The following TSPOAP1 variants were observed in gnomAD, a reference collection of about 807,000 sequenced individuals.
TSPOAP1 encodes peripheral-type benzodiazepine receptor-associated protein 1.
TSPOAP1 carries 87 observed loss-of-function variants against 197.0 expected under a neutral mutation model. That is an observed-to-expected ratio of 0.44 (90% CI 0.37 to 0.53). The LOEUF is 0.53. Ranked by LOEUF, TSPOAP1 falls within the 20% of genes least tolerant of loss-of-function variation. The pLI, the probability that TSPOAP1 is intolerant of heterozygous loss-of-function variation, is 0.00. For missense variants in TSPOAP1, 2,174 were observed against 2,411.3 expected, an observed-to-expected ratio of 0.90 and a Z score of 2.06; for synonymous variants, 913 against 998.9, an observed-to-expected ratio of 0.91 and a Z score of 1.62.
rs940264893 is a variant in TSPOAP1, at chr17:58,319,366, C to T, written c.1495-72G>A. 2.1e-6 allele frequency: 3 copies of T among 1,448,162 alleles called. No individual in the cohort carries two copies. In the Admixed American group the frequency reaches 6.8e-5, roughly 33 times the overall value. The allele number at this position is 1,448,162 out of a possible 1,614,324, so 89.7% of individuals were successfully genotyped here. ...AGTGCCAGCCCGTGCCATCTGTACACAGCCCTACACTGGGTTTCAGGTCAT... is the reference window on the plus strand; with the variant it reads ...AGTGCCAGCCCGTGCCATCTGTACATAGCCCTACACTGGGTTTCAGGTCAT... On this transcript the variant is annotated intron_variant, in intron 12 of 31. Transcript: ENST00000343736.
Position 58,307,861 on chromosome 17 carries a change from C to G in TSPOAP1, c.4812G>C (p.Arg1604Ser). The G allele has an allele frequency of 1.2e-6, 2 of 1,613,784 alleles. No individual in the cohort carries two copies. Among genetic ancestry groups the G allele is most frequent in the South Asian group, 2.2e-5 (2 of 91,080 alleles). ...GCTCACCTAGCTCTGCAGTGCTTGG[C>G]CTGAGGACTCGGACACCTCTCTTCT... ...GPQKRGVRVLRPSTAELVPAR... is the reference protein window; with the variant it reads ...GPQKRGVRVLSPSTAELVPAR... Residue 1604 changes from arginine to serine, a missense_variant, in exon 23 of 32, where the codon AGG becomes AGC. Transcript: ENST00000343736.
In TSPOAP1 at chr17:58,326,583, T is replaced by C. The variant is rs936383867; in HGVS notation, c.441+100A>G. 1 of 1,533,890 alleles carries C rather than the reference T, an allele frequency of 6.5e-7. No individual in the cohort carries two copies. Among genetic ancestry groups the C allele is most frequent in the African/African-American group, 1.4e-5 (1 of 73,092 alleles). On this transcript the variant is annotated intron_variant, in intron 2 of 31. Transcript: ENST00000343736. The surrounding 1 kb of genome is among the most constrained non-coding windows in gnomAD (Gnocchi z 4.7). ...GGGTCTCAGGATTTTGTCACCTCCA[T>C]TGAGCCCCCACTTGGAAAGATGTTC...
intron 10 of TSPOAP1, among the ~76,000 whole-genome samples, chr17:58,321,763 T>C (rs1196635813): frequency 6.6e-6 from 1 of 152,214 alleles, no homozygotes; most frequent in Non-Finnish European, 1.5e-5. Context: ...ATACCAGCCA[T>C]GTGATCCTGT....
At chr17:58,311,360 C>A in intron 18 of TSPOAP1, 147 bp from the exon 19 acceptor site, 1 of 1,290,728 alleles carries the variant, frequency 7.7e-7, no homozygotes, top group Admixed American at 2.7e-5. Context: ...TGGCCTATCT[C>A]ATTTCATCCT....
chr17:58,324,758 TCCCCCCACCC>T lies in TSPOAP1; in HGVS notation c.942+43_942+52del. The T allele has an allele frequency of 1.6e-6, 2 of 1,269,496 alleles. No individual in the cohort carries two copies. Among genetic ancestry groups the T allele is most frequent in the Non-Finnish European group, 1.0e-6 (1 of 990,738 alleles). 78.6% of individuals were successfully genotyped at this position (1,269,496 alleles called of 1,614,324 possible). A position where few individuals can be genotyped will look rare whatever the true frequency, so the allele number is the denominator to read the frequency against. On this transcript the variant is annotated intron_variant, in intron 5 of 31. Transcript: ENST00000343736. This position sits in a 1 kb window ranked among gnomAD's most constrained non-coding sequence, Gnocchi z 5.8. ...GTGCAGGGGAGATCCCGGTGGTCGTTCCCCCCACCCATCTGCACGCACCCACACACCTGCC... is the reference window on the plus strand; with the variant it reads ...GTGCAGGGGAGATCCCGGTGGTCGTTATCTGCACGCACCCACACACCTGCC...
In TSPOAP1 at chr17:58,322,540, G is replaced by A; in HGVS notation, c.1317+114C>T. 4 of 1,549,136 alleles carry A rather than the reference G, an allele frequency of 2.6e-6. No individual in the cohort carries two copies. The highest frequency in any genetic ancestry group is 3.5e-6 in the Non-Finnish European group (4 of 1,148,170). ...TATTACAAAGGAAACTGAGCCTGGA[G>A]CAGCTCCAGGCCCAGGCCTCAGAGC... On this transcript the variant is annotated intron_variant, in intron 9 of 31. Transcript: ENST00000343736. This position sits in a 1 kb window ranked among gnomAD's most constrained non-coding sequence, Gnocchi z 5.0.
chr17:58,326,790 C>T lies in TSPOAP1; in HGVS notation c.334G>A (p.Ala112Thr), dbSNP rs765095323. Reference sequence around the variant, plus strand: ...TCCCCAAAGCTCATATTCAGCTTGGCCTGGCATGGGAAAGGACCGAGGACA... The same window carrying T: ...TCCCCAAAGCTCATATTCAGCTTGGTCTGGCATGGGAAAGGACCGAGGACA... ...EDEEVEAFLK[A>T]KLNMSFGDRP... Residue 112 changes from alanine to threonine, a missense_variant and splice_region_variant, in exon 2 of 32, where the codon GCC becomes ACC. Coordinates refer to ENST00000343736, the MANE Select transcript of TSPOAP1 (RefSeq NM_004758.4). This position sits in a 1 kb window ranked among gnomAD's most constrained non-coding sequence, Gnocchi z 4.7. 1.9e-6 allele frequency: 3 copies of T among 1,613,774 alleles called. No individual in the cohort carries two copies. Among genetic ancestry groups the T allele is most frequent in the Non-Finnish European group, 2.5e-6 (3 of 1,179,918 alleles).
At chr17:58,317,232 A>G (rs1162999757) in intron 14 of TSPOAP1, among the ~76,000 whole-genome samples, 1 of 152,174 alleles carries the variant, frequency 6.6e-6, no homozygotes, top group African/African-American at 2.4e-5. Context: ...CAAAGAAAAA[A>G]GAAACCCCTC....
At position 58,306,414 on chromosome 17, in the gene TSPOAP1, C is replaced by G. The variant is rs141114805; in HGVS notation, c.5153-1G>C. On this transcript the variant is annotated splice_acceptor_variant, in intron 25 of 31. Transcript: ENST00000343736. LOFTEE classifies it high-confidence loss of function. ...GTGGAGTACACAAACGGACCATTCC[C>G]TGATCCAGAAAAGCAGAGAGAAAGC... The G allele has an allele frequency of 1.8e-5, 28 of 1,554,822 alleles. No homozygotes were observed. The highest frequency in any genetic ancestry group is 2.4e-5 in the Non-Finnish European group (27 of 1,148,516).
rs749493801 is a variant in TSPOAP1 at position 58,311,733 on chromosome 17, G to A, written c.2930-11C>T. 5 of 1,554,010 alleles carry A rather than the reference G, an allele frequency of 3.2e-6. No individual in the cohort carries two copies. The South Asian group carries it at 6.0e-5, about 19-fold the overall frequency. ...GGGCATCAGGTGGGCCTGGGGGCAG[G>A]GGGGCACAAGACCCAGTGATGCAGG... On this transcript the variant is annotated splice_polypyrimidine_tract_variant and intron_variant, in intron 17 of 31. Coordinates refer to ENST00000343736, the MANE Select transcript of TSPOAP1 (RefSeq NM_004758.4).
At chr17:58,325,814 G>C (rs1036515968) in intron 3 of TSPOAP1, 101 bp from the exon 4 acceptor site, 65 of 1,330,116 alleles carry the variant, frequency 4.9e-5, no homozygotes, top group Admixed American at 1.9e-4. Context: ...AAAACCTAGG[G>C]GGGTAGCCAC....
Position 58,308,697 on chromosome 17 carries a change from C to G in TSPOAP1, c.4575G>C (p.Gly1525=), listed in dbSNP as rs777794796. 2.5e-6 allele frequency: 4 copies of G among 1,612,960 alleles called. No homozygotes were observed. The South Asian group carries it at 3.3e-5, about 13-fold the overall frequency. The change falls in exon 22 of 32, where the codon GGG becomes GGC. Residue 1525 remains glycine, a synonymous_variant. Transcript: ENST00000343736. ...SITSSCYPGD[G]EAWGTATVGR... is the part of the protein sequence containing the mutation. ...CTACAGTTGCTGTGCCCCAGGCCTC[C>G]CCATCTCCAGGGTAGCAGGAGCTGG... is the stretch of plus-strand genomic sequence containing the variant.
In TSPOAP1 at chr17:58,324,382, C is replaced by G. The variant is rs1028238889; in HGVS notation, c.942+429G>C. Reference sequence around the variant, plus strand: ...GTACCTGGAGCCGGGGCGGACGCACCGCCGCCCCCGGGTAGCTGGGGCCAG... The same window carrying G: ...GTACCTGGAGCCGGGGCGGACGCACGGCCGCCCCCGGGTAGCTGGGGCCAG... On this transcript the variant is annotated intron_variant, in intron 5 of 31. Transcript: ENST00000343736. This position sits in a 1 kb window ranked among gnomAD's most constrained non-coding sequence, Gnocchi z 5.8. 6.6e-6 allele frequency among the ~76,000 whole-genome samples: 1 copy of G among 152,084 alleles called. No individual in the cohort carries two copies. Among genetic ancestry groups the G allele is most frequent in the Non-Finnish European group, 1.5e-5 (1 of 67,972 alleles).
intron 18 of TSPOAP1, 120 bp from the exon 19 acceptor site, chr17:58,311,333 G>A (rs886946130): frequency 1.4e-6 from 2 of 1,412,454 alleles, no homozygotes; most frequent in South Asian, 2.5e-5. Context: ...GCCAGGTACT[G>A]TGCTAAGCCC....
At chr17:58,318,163 T>C in intron 14 of TSPOAP1, 117 bp downstream of exon 14, 2 of 1,302,280 alleles carry the variant, frequency 1.5e-6, no homozygotes, top group Non-Finnish European at 2.1e-6. Flanking sequence ...ACCTCCCAAC[T>C]TGGGACCCCA....
chr17:58,323,264 G>A (rs1484277644), intron 7 of TSPOAP1, 34 bp downstream of exon 7: 3 of 1,612,466 alleles, frequency 1.9e-6, no homozygotes, highest in Non-Finnish European at 2.5e-6. Flanking sequence ...GGTGAAGGGA[G>A]GAGCTGGCCT....
At position 58,315,933 on chromosome 17, in the gene TSPOAP1, A is replaced by G; in HGVS notation, c.2098+90T>C. On this transcript the variant is annotated intron_variant, in intron 16 of 31. Transcript: ENST00000343736. ...GATGGATGGATGGATGGATGGATGA[A>G]TGGATGGATGGATGGATGGATATCC... The G allele has an allele frequency of 3.7e-6, 3 of 820,966 alleles. No homozygotes were observed. The Admixed American group carries it at 6.0e-5, about 16-fold the overall frequency. The allele number at this position is 820,966 out of a possible 1,614,324, so 50.9% of individuals were successfully genotyped here.
chr17:58,311,341 C>A (rs1799851101), intron 18 of TSPOAP1, 128 bp from the exon 19 acceptor site: 1 of 1,374,572 alleles, frequency 7.3e-7, no homozygotes, highest in Non-Finnish European at 9.8e-7. Flanking sequence ...CTGTGCTAAG[C>A]CCTCTGCATG....
At chr17:58,320,658 A>C in intron 10 of TSPOAP1, 77 bp from the exon 11 acceptor site, 1 of 1,154,980 alleles carries the variant, frequency 8.7e-7, no homozygotes. Context: ...CGAGGGAGGA[A>C]GGGTAGAAAG....
Sources: allele counts gnomAD v4.1 joint callset (sites outside exome capture counted in the v4.1 genomes callset), GRCh38; gene constraint gnomAD v4.1.1; non-coding constraint Gnocchi (gnomAD v3.1); transcripts MANE v1.5; gene names NCBI Gene and HGNC (gene_info 2026-07-23, HGNC 2026-07-21).